The following IPMK variants were observed in gnomAD, a reference collection of about 807,000 sequenced individuals.
IPMK encodes inositol polyphosphate multikinase, also known as inositol 1,3,4,6-tetrakisphosphate 5-kinase.
A neutral mutation model predicts 45.8 loss-of-function variants in IPMK; 17 were observed. That is an observed-to-expected ratio of 0.37 (90% CI 0.25 to 0.56). IPMK has a LOEUF of 0.56. Among genes scored for constraint, IPMK ranks in the 20% least tolerant of loss-of-function variants. IPMK has a pLI of 0.79. For synonymous variants in IPMK, 180 were observed against 184.3 expected, an observed-to-expected ratio of 0.98 and a Z score of 0.19; for missense variants, 399 against 498.0, an observed-to-expected ratio of 0.80 and a Z score of 1.89.
At chr10:58,253,749 AAG>A (rs112003736) in intron 1 of IPMK, among the ~76,000 whole-genome samples, 28,170 of 141,294 alleles carry the variant, frequency 0.2, 3,751 homozygotes, top group African/African-American at 0.35. Flanking sequence ...AAAAAAAAAA[AAG>A]AAAAAAAAAG....
At chr10:58,267,302 G>T in intron 1 of IPMK, 120 bp downstream of exon 1, 1 of 925,894 alleles carries the variant, frequency 1.1e-6, no homozygotes, top group Non-Finnish European at 1.7e-6. Flanking sequence ...AGAGGCCAGG[G>T]ATTTGGCGTG....
intron 5 of IPMK, among the ~76,000 whole-genome samples, chr10:58,198,916 G>A (rs1000566099): frequency 6.6e-6 from 1 of 151,900 alleles, no homozygotes; most frequent in Non-Finnish European, 1.5e-5. Context: ...GATCTATAAC[G>A]TTTACTTACA....
chr10:58,199,432 T>A, intron 4 of IPMK, 111 bp from the exon 5 acceptor site: 1 of 585,966 alleles, frequency 1.7e-6, no homozygotes, highest in Non-Finnish European at 2.8e-6. Context: ...TTCATTCTAA[T>A]AGATTTGAGA....
rs1443166785 is a variant in IPMK at position 58,227,071 on chromosome 10, G to A, written c.345C>T (p.Gly115=). 1 of 1,612,396 alleles carries A rather than the reference G, an allele frequency of 6.2e-7. No homozygotes were observed. The highest frequency in any genetic ancestry group is 1.7e-5 in the Admixed American group (1 of 59,992). ...ELRKYLPKYY[G]IWSPPTAPND... is the part of the protein sequence containing the mutation. ...TTGGTGCAGTGGGAGGTGACCAGAT[G>A]CCATAATATTTTGGCAAATATTTTC... Residue 115 remains glycine (G), a synonymous_variant, in exon 3 of 6, where the codon GGC becomes GGT. Coordinates refer to ENST00000373935, the MANE Select transcript of IPMK (RefSeq NM_152230.5).
intron 1 of IPMK, among the ~76,000 whole-genome samples, chr10:58,265,931 A>G (rs1025008263): frequency 2.0e-5 from 3 of 152,192 alleles, no homozygotes; most frequent in Non-Finnish European, 2.9e-5. Flanking sequence ...AGGGACCTTT[A>G]GGGAAACATT....
intron 1 of IPMK, among the ~76,000 whole-genome samples, chr10:58,262,209 G>T (rs932910800): frequency 6.6e-6 from 1 of 152,028 alleles, no homozygotes; most frequent in African/African-American, 2.4e-5. Flanking sequence ...AAACCTGCAC[G>T]TTGTGCACAT....
chr10:58,245,583 G>C (rs7092798), intron 1 of IPMK, among the ~76,000 whole-genome samples: 19,351 of 149,058 alleles, frequency 0.13, 1,276 homozygotes, highest in Middle Eastern at 0.18. Flanking sequence ...CTGCACTCCA[G>C]CCTGGGTGAC....
chr10:58,204,776 C>T (rs1194063747), intron 4 of IPMK, among the ~76,000 whole-genome samples: 2 of 151,980 alleles, frequency 1.3e-5, no homozygotes, highest in African/African-American at 4.8e-5. Flanking sequence ...GCCTGGATGA[C>T]AGAGCAAAGA....
chr10:58,259,433 C>T (rs1839022699), intron 1 of IPMK, among the ~76,000 whole-genome samples: 1 of 151,468 alleles, frequency 6.6e-6, no homozygotes, highest in African/African-American at 2.4e-5. Context: ...TATCTATCCA[C>T]TGAAATTTGA....
At chr10:58,264,918 A>G (rs1839127263) in intron 1 of IPMK, among the ~76,000 whole-genome samples, 1 of 152,220 alleles carries the variant, frequency 6.6e-6, no homozygotes, top group African/African-American at 2.4e-5. Flanking sequence ...AAGGCCTGAA[A>G]GGATAGACAG....
intron 1 of IPMK, among the ~76,000 whole-genome samples, chr10:58,257,816 A>G (rs1318386737): frequency 2.0e-5 from 3 of 152,216 alleles, no homozygotes. Flanking sequence ...GCAGACTACA[A>G]GAAACAGAAC....
In IPMK at chr10:58,237,156, T is replaced by G. The variant is rs145497306; in HGVS notation, c.276+573A>C. Among the ~76,000 whole-genome samples the G allele has an allele frequency of 3.5e-4, 53 of 152,332 alleles. 1 individual carries two copies. The East Asian group carries it at 9.4e-3, about 27-fold the overall frequency. ...ACCCTTCTCCACCCAAGAGGCTGAC[T>G]TGAATCAACTGCATCAATGAGATCC... is the stretch of plus-strand genomic sequence containing the variant. On this transcript the variant is annotated intron_variant, in intron 2 of 5. Transcript: ENST00000373935.
chr10:58,235,202 CTT>C (rs773335327), intron 2 of IPMK, among the ~76,000 whole-genome samples: 21 of 152,308 alleles, frequency 1.4e-4, no homozygotes, highest in Admixed American at 3.3e-4. Context: ...AATAGGAACA[CTT>C]TTACACTGTT....
At chr10:58,210,608 G>A (rs959132783) in intron 4 of IPMK, among the ~76,000 whole-genome samples, 5 of 152,138 alleles carry the variant, frequency 3.3e-5, no homozygotes, top group East Asian at 3.9e-4. Flanking sequence ...CTGGGCTTGC[G>A]CTGGAGACTG....
chr10:58,242,143 C>G (rs898126474), intron 1 of IPMK, among the ~76,000 whole-genome samples: 8 of 152,030 alleles, frequency 5.3e-5, no homozygotes, highest in African/African-American at 1.9e-4. Context: ...TCAGAAATGA[C>G]AGTGATGTTA....
At chr10:58,265,507 A>G (rs141264636) in intron 1 of IPMK, among the ~76,000 whole-genome samples, 345 of 152,312 alleles carry the variant, frequency 2.3e-3, no homozygotes, top group African/African-American at 7.9e-3. Flanking sequence ...TAGGGAATAT[A>G]TCATCAGTCA....
At chr10:58,216,778 G>A (rs1734583127) in intron 3 of IPMK, among the ~76,000 whole-genome samples, 1 of 152,136 alleles carries the variant, frequency 6.6e-6, no homozygotes, top group South Asian at 2.1e-4. Flanking sequence ...TTAAGAAAGG[G>A]TAAACCTATC....
At chr10:58,202,795 C>T (rs1006767807) in intron 4 of IPMK, among the ~76,000 whole-genome samples, 1 of 152,192 alleles carries the variant, frequency 6.6e-6, no homozygotes, top group East Asian at 1.9e-4. Flanking sequence ...AAAAAAGATT[C>T]CTTCCAAAAT....
rs139862953 is a variant in IPMK at position 58,239,831 on chromosome 10, G to A, written c.191-2017C>T. ...AAAAGGAGGCACCTTGGAATGCTGAGCCAATAACAGATACACTGAAACTGA... is the reference window on the plus strand; with the variant it reads ...AAAAGGAGGCACCTTGGAATGCTGAACCAATAACAGATACACTGAAACTGA... On this transcript the variant is annotated intron_variant, in intron 1 of 5. Transcript: ENST00000373935. Among the ~76,000 whole-genome samples, 6 of 152,238 alleles carry A rather than the reference G, an allele frequency of 3.9e-5. No individual in the cohort carries two copies. In the East Asian group the frequency reaches 1.2e-3, roughly 29 times the overall value.
Sources: allele counts gnomAD v4.1 joint callset (sites outside exome capture counted in the v4.1 genomes callset), GRCh38; gene constraint gnomAD v4.1.1; transcripts MANE v1.5; gene names NCBI Gene and HGNC (gene_info 2026-07-23, HGNC 2026-07-21).